Variants in HDAC9 observed in about 807,000 individuals in gnomAD.
HDAC9 encodes the protein MEF-2 interacting transcription repressor (MITR) protein.
A neutral mutation model predicts 139.4 loss-of-function variants in HDAC9; 41 were observed. The ratio of observed to expected loss-of-function variants is 0.29; its 90% CI spans 0.23 to 0.38. The LOEUF is 0.38. Ranked by LOEUF, HDAC9 falls within the 10% of genes least tolerant of loss-of-function variation. The pLI is 1.00. For missense variants in HDAC9, 1,147 were observed against 1,297.0 expected (o/e 0.88, Z 1.78); for synonymous variants, 517 against 476.2 (o/e 1.09, Z -1.12).
At chr7:18,589,334 T>G (rs552371047) in intron 3 of HDAC9, among the ~76,000 whole-genome samples, 4 of 152,106 alleles carry the variant, frequency 2.6e-5, no homozygotes, top group Non-Finnish European at 5.9e-5. Flanking sequence ...GAGACTAGCC[T>G]GGGGAACATG....
At chr7:18,802,676 A>T (rs1793402652) in intron 17 of HDAC9, among the ~76,000 whole-genome samples, 1 of 151,802 alleles carries the variant, frequency 6.6e-6, no homozygotes, top group South Asian at 2.1e-4. Context: ...TTAGATATTT[A>T]AAAACTCTGT....
At chr7:18,231,573 A>G (rs1295299187) in intron 2 of HDAC9, among the ~76,000 whole-genome samples, 1 of 152,194 alleles carries the variant, frequency 6.6e-6, no homozygotes, top group Non-Finnish European at 1.5e-5. Flanking sequence ...CTAGAAAGTG[A>G]AAATATTTTG....
At position 18,235,463 on chromosome 7, in the gene HDAC9, C is replaced by T. The variant is rs189649246; in HGVS notation, c.25+73114C>T. Among the ~76,000 whole-genome samples the T allele has an allele frequency of 3.1e-3, 465 of 152,290 alleles. 1 individual carries two copies. The highest frequency in any genetic ancestry group is 4.6e-3 in the Non-Finnish European group (314 of 68,028). On this transcript the variant is annotated intron_variant, in intron 2 of 12. Coordinates refer to the HDAC9 transcript ENST00000417496. ...ACATGGGGTTAGGAAGAGATGTACA[C>T]AGTTGGGTCCGGTTCCCCACTGCCT... is the stretch of plus-strand genomic sequence containing the variant.
chr7:18,145,079 T>G (rs1448341354), intron 1 of HDAC9, among the ~76,000 whole-genome samples: 1 of 152,186 alleles, frequency 6.6e-6, no homozygotes, highest in Non-Finnish European at 1.5e-5. Flanking sequence ...AGACTTTAGG[T>G]CAGTAAGTGA....
chr7:18,774,681 C>T (rs567223194), intron 16 of HDAC9, among the ~76,000 whole-genome samples: 4 of 152,190 alleles, frequency 2.6e-5, no homozygotes, highest in Non-Finnish European at 4.4e-5. Flanking sequence ...CTGGATAAAG[C>T]GTTGGCTCAA....
At chr7:18,753,909 T>C (rs543833193) in intron 14 of HDAC9, among the ~76,000 whole-genome samples, 3 of 152,234 alleles carry the variant, frequency 2.0e-5, no homozygotes, top group South Asian at 4.1e-4. Context: ...AGCAGTTCTT[T>C]TGGAACATAA....
At chr7:18,409,739 T>G (rs1788365722) in intron 1 of HDAC9, among the ~76,000 whole-genome samples, 1 of 152,204 alleles carries the variant, frequency 6.6e-6, no homozygotes, top group African/African-American at 2.4e-5. Context: ...CATAATGAAC[T>G]AAATTTTGGA....
chr7:18,605,543 C>T (rs1026007377), intron 6 of HDAC9, among the ~76,000 whole-genome samples: 1 of 152,160 alleles, frequency 6.6e-6, no homozygotes, highest in African/African-American at 2.4e-5. Context: ...CTTCCCTCTC[C>T]CACGCCTACT....
At chr7:18,346,147 C>T (rs1331936148) in intron 1 of HDAC9, among the ~76,000 whole-genome samples, 3 of 152,034 alleles carry the variant, frequency 2.0e-5, no homozygotes. Flanking sequence ...TATGTTATGG[C>T]CCATAATGAA....
intron 24 of HDAC9, among the ~76,000 whole-genome samples, chr7:18,957,995 C>T (rs547108165): frequency 6.6e-6 from 1 of 152,266 alleles, no homozygotes; most frequent in African/African-American, 2.4e-5. Context: ...TGACAGTTCT[C>T]CTGTGAATTT....
intron 1 of HDAC9, among the ~76,000 whole-genome samples, chr7:18,446,839 CCA>C (rs1318351052): frequency 6.6e-6 from 1 of 152,062 alleles, no homozygotes; most frequent in East Asian, 1.9e-4. Flanking sequence ...AACAGATTAT[CCA>C]CAGTTGTACA....
At chr7:18,776,788 G>C (rs569962702) in intron 16 of HDAC9, among the ~76,000 whole-genome samples, 10 of 151,962 alleles carry the variant, frequency 6.6e-5, no homozygotes, top group African/African-American at 2.2e-4. Flanking sequence ...AGAATAATAA[G>C]ATCCATACTG....
At chr7:18,343,653 A>G (rs957980304) in intron 1 of HDAC9, among the ~76,000 whole-genome samples, 14 of 151,872 alleles carry the variant, frequency 9.2e-5, no homozygotes, top group Non-Finnish European at 1.5e-4. Context: ...AATATAAAAC[A>G]TAGAAATAAA....
chr7:18,747,936 A>G (rs531705688), intron 13 of HDAC9, among the ~76,000 whole-genome samples: 5 of 152,266 alleles, frequency 3.3e-5, no homozygotes, highest in African/African-American at 1.2e-4. Context: ...TACAGCATAA[A>G]TTACTGGTGC....
intron 22 of HDAC9, 133 bp from the exon 23 acceptor site, chr7:18,935,676 T>C (rs1369838725): frequency 2.6e-6 from 2 of 757,672 alleles, no homozygotes; most frequent in African/African-American, 3.5e-5. Flanking sequence ...TAAAGTTATT[T>C]TAAGTATTGG....
chr7:18,857,196 CTT>C (rs1011805365), intron 21 of HDAC9, among the ~76,000 whole-genome samples: 1 of 151,330 alleles, frequency 6.6e-6, no homozygotes, highest in Non-Finnish European at 1.5e-5. Context: ...AATTGCTTCT[CTT>C]TTTTTATTTT....
At chr7:18,277,114 A>G (rs995354354) in intron 2 of HDAC9, among the ~76,000 whole-genome samples, 1 of 152,224 alleles carries the variant, frequency 6.6e-6, no homozygotes, top group African/African-American at 2.4e-5. Flanking sequence ...AAACAAAAAA[A>G]CAGGCACAAA....
At chr7:18,346,797 C>T (rs1782449831) in intron 1 of HDAC9, among the ~76,000 whole-genome samples, 1 of 152,104 alleles carries the variant, frequency 6.6e-6, no homozygotes. Context: ...TCACCAAAAT[C>T]TCATAGCAAC....
At chr7:18,929,240 C>T (rs1354702173) in intron 22 of HDAC9, among the ~76,000 whole-genome samples, 1 of 151,930 alleles carries the variant, frequency 6.6e-6, no homozygotes, top group East Asian at 1.9e-4. Flanking sequence ...AGAAACCAAC[C>T]CCTATAAAGT....
Sources: gnomAD v4.1 joint callset for allele counts (sites outside exome capture counted in the v4.1 genomes callset) on GRCh38, gnomAD v4.1.1 for gene constraint, MANE v1.5 for transcripts, NCBI Gene and HGNC (gene_info 2026-07-23, HGNC 2026-07-21) for gene names.